Variants in ATAD2B observed in about 807,000 individuals in gnomAD.
The protein encoded by ATAD2B is ATPase family AAA domain-containing protein 2B.
ATAD2B carries 40 observed loss-of-function variants against 167.6 expected under a neutral mutation model. The ratio of observed to expected loss-of-function variants is 0.24; its 90% CI spans 0.19 to 0.31. The LOEUF (loss-of-function observed/expected upper bound fraction) is 0.31, where lower values mean the gene tolerates loss of function less well. Among genes scored for constraint, ATAD2B ranks in the 10% least tolerant of loss-of-function variants. The pLI is 1.00. For missense variants in ATAD2B, 1,242 were observed against 1,757.2 expected (o/e 0.71, Z 5.24); for synonymous variants, 579 against 596.5 (o/e 0.97, Z 0.43).
chr2:23,792,745 G>A (rs377348398), intron 19 of ATAD2B, among the ~76,000 whole-genome samples: 1 of 151,702 alleles, frequency 6.6e-6, no homozygotes, highest in African/African-American at 2.4e-5. Context: ...GGTGGATCAC[G>A]AAGTCAGGAG....
intron 13 of ATAD2B, among the ~76,000 whole-genome samples, chr2:23,844,776 T>A: frequency 2.0e-5 from 3 of 148,198 alleles, no homozygotes; most frequent in Non-Finnish European, 4.5e-5. Context: ...GTAATTAGAG[T>A]CCCAAAAGGA....
the ATAD2B span, among the ~76,000 whole-genome samples, chr2:23,730,974 G>A: frequency 1.3e-5 from 2 of 151,990 alleles, no homozygotes; most frequent in South Asian, 4.1e-4. Context: ...AGGAACAAAA[G>A]AGGGGATATC....
At chr2:23,869,862 C>T (rs983079269) in intron 8 of ATAD2B, 101 bp from the exon 9 acceptor site, 13 of 719,152 alleles carry the variant, frequency 1.8e-5, no homozygotes, top group African/African-American at 1.3e-4. Flanking sequence ...ATTCATTCAG[C>T]AAATATTTAT....
chr2:23,771,848 C>T (rs1678372446), intron 22 of ATAD2B, among the ~76,000 whole-genome samples: 1 of 152,188 alleles, frequency 6.6e-6, no homozygotes, highest in Admixed American at 6.5e-5. Flanking sequence ...GTAGGACCTC[C>T]TGGAGATAGC....
At chr2:23,865,442 T>C (rs1182515846) in intron 10 of ATAD2B, among the ~76,000 whole-genome samples, 2 of 150,728 alleles carry the variant, frequency 1.3e-5, no homozygotes, top group Non-Finnish European at 2.9e-5. Context: ...GGCAGGAGAA[T>C]AGCTTGATCC....
At chr2:23,687,865 C>T in the ATAD2B span, among the ~76,000 whole-genome samples, 1 of 152,266 alleles carries the variant, frequency 6.6e-6, no homozygotes, top group East Asian at 1.9e-4. Flanking sequence ...TCACAGGAGC[C>T]TGGGGGCGTT....
chr2:23,822,587 CTA>C (rs1186233954), intron 16 of ATAD2B, among the ~76,000 whole-genome samples: 2 of 151,434 alleles, frequency 1.3e-5, no homozygotes, highest in Non-Finnish European at 2.9e-5. Flanking sequence ...CTCCCCTGCT[CTA>C]TATAATCAGA....
rs1223484607 is a variant in ATAD2B, at chr2:23,799,579, AAAAAAAAAAAG to A, written c.2455-1267_2455-1257del. On this transcript the variant is annotated intron_variant, in intron 18 of 27. Transcript: ENST00000238789. ...CAGTGAGACTCCATCTCAAAAAAAA[AAAAAAAAAAAG>A]AAAAGAAAAATTTAATATTTAAAAT... 1.1e-4 allele frequency among the ~76,000 whole-genome samples: 16 copies of A among 150,372 alleles called. 1 individual carries two copies. Among genetic ancestry groups the A allele is most frequent in the African/African-American group, 3.9e-4 (16 of 40,890 alleles).
intron 22 of ATAD2B, among the ~76,000 whole-genome samples, chr2:23,770,084 C>A (rs1020361355): frequency 1.3e-5 from 2 of 149,950 alleles, no homozygotes; most frequent in South Asian, 2.1e-4. Context: ...CCGAGGCGGG[C>A]GGGTAACCTG....
intron 18 of ATAD2B, among the ~76,000 whole-genome samples, chr2:23,800,380 C>G (rs1218716355): frequency 1.3e-5 from 2 of 152,172 alleles, no homozygotes; most frequent in Non-Finnish European, 2.9e-5. Flanking sequence ...TCTAGTACTT[C>G]TAGGTTAGAT....
intron 2 of ATAD2B, among the ~76,000 whole-genome samples, chr2:23,890,299 TAAC>T (rs140854657): frequency 0.05 from 7,548 of 151,770 alleles, 191 homozygotes; most frequent in South Asian, 0.064. Context: ...GTCAAAAAAA[TAAC>T]AACAAAAATC....
chr2:23,732,098 G>T, the ATAD2B span, among the ~76,000 whole-genome samples: 2 of 152,262 alleles, frequency 1.3e-5, no homozygotes, highest in South Asian at 4.2e-4. Context: ...CATTTTGAGT[G>T]CTCAATAGCT....
At chr2:23,683,790 GCTTTCCCGAAAAGTCC>G in the ATAD2B span, among the ~76,000 whole-genome samples, 1 of 152,178 alleles carries the variant, frequency 6.6e-6, no homozygotes, top group Non-Finnish European at 1.5e-5. Context: ...TTGCTTGCTT[GCTTTCCCGAAAAGTCC>G]CCACAAGTGT....
At chr2:23,842,856 C>T (rs1691145245) in intron 13 of ATAD2B, among the ~76,000 whole-genome samples, 1 of 152,084 alleles carries the variant, frequency 6.6e-6, no homozygotes, top group African/African-American at 2.4e-5. Flanking sequence ...TCAAGCCTAA[C>T]TCAGAAAATT....
At chr2:23,913,397 TG>T (rs1702573005) in intron 1 of ATAD2B, among the ~76,000 whole-genome samples, 1 of 152,192 alleles carries the variant, frequency 6.6e-6, no homozygotes, top group South Asian at 2.1e-4. Context: ...CCCAGCACTT[TG>T]GGAGGCCAAG....
chr2:23,688,121 C>G, the ATAD2B span, among the ~76,000 whole-genome samples: 1 of 152,150 alleles, frequency 6.6e-6, no homozygotes, highest in Non-Finnish European at 1.5e-5. Flanking sequence ...TAACGAGACT[C>G]CCATGTCTCA....
rs1697743272 is a variant in ATAD2B, at chr2:23,880,639, C to G, written c.901G>C (p.Val301Leu). ...AAAAAAGTTATTTAGAGTTGCCTAC[C>G]TATTGGAGGTGCTTGGTATCGATCC... The part of the protein sequence containing the change: ...TVDRYQAPPI[V>L]PAHQKKRENT... The change falls in exon 7 of 28, where the codon GTA (valine) becomes CTA (leucine). Residue 301 changes from valine (V) to leucine (L), a missense_variant and splice_region_variant. Around this residue, in one of 9 missense-constraint regions of ATAD2B, gnomAD observed 127 missense variants for 146.3 expected, o/e 0.87. Transcript: ENST00000238789. The G allele has an allele frequency of 6.4e-7, 1 of 1,563,706 alleles. No individual in the cohort carries two copies. Among genetic ancestry groups the G allele is most frequent in the Non-Finnish European group, 8.8e-7 (1 of 1,141,252 alleles).
chr2:23,869,665 A>G lies in ATAD2B; in HGVS notation c.1074T>C (p.Asn358=). The stretch of plus-strand genomic sequence containing the variant: ...ATAACATTACAAATTTTACTAACCT[A>G]TTTCTTGCTCTTGCCATGCTCTTTG... The part of the protein sequence containing the change: ...RKSKSMARAR[N]RCLPMNFRAE... Residue 358 remains asparagine (N), a splice_region_variant and synonymous_variant, in exon 9 of 28, where the codon AAT becomes AAC. Transcript: ENST00000238789. The G allele has an allele frequency of 6.4e-7, 1 of 1,555,760 alleles. No homozygotes were observed. The highest frequency in any genetic ancestry group is 8.7e-7 in the Non-Finnish European group (1 of 1,146,788).
At chr2:23,688,154 G>A in the ATAD2B span, among the ~76,000 whole-genome samples, 1 of 152,162 alleles carries the variant, frequency 6.6e-6, no homozygotes, top group East Asian at 1.9e-4. Flanking sequence ...GCACAATGGC[G>A]TCACCCACAC....
Sources: allele counts gnomAD v4.1 joint callset (sites outside exome capture counted in the v4.1 genomes callset), GRCh38; gene constraint gnomAD v4.1.1; regional missense constraint gnomAD v4.1.1; transcripts MANE v1.5; gene names NCBI Gene and HGNC (gene_info 2026-07-23, HGNC 2026-07-21).